ASB5: variants seen among roughly 807,000 people sequenced by gnomAD.
ASB5 encodes ankyrin repeat and SOCS box protein 5.
A neutral mutation model predicts 42.1 loss-of-function variants in ASB5; 45 were observed. That is an observed-to-expected ratio of 1.07 (90% CI 0.84 to 1.37). The LOEUF is 1.37. Among genes scored for constraint, ASB5 ranks in the 40% most tolerant of loss-of-function variants. The pLI, the probability that ASB5 is intolerant of heterozygous loss-of-function variation, is 0.00. For synonymous variants in ASB5, 147 were observed against 150.6 expected (o/e 0.98, Z 0.18); for missense variants, 402 against 399.8 (o/e 1.01, Z -0.05).
chr4:176,234,113 A>T (rs1753621613), intron 1 of ASB5, among the ~76,000 whole-genome samples: 1 of 152,196 alleles, frequency 6.6e-6, no homozygotes, highest in South Asian at 2.1e-4. Context: ...AAGTCTCCTA[A>T]CTAGTCAGTG....
intron 1 of ASB5, among the ~76,000 whole-genome samples, chr4:176,246,658 G>T (rs1196124023): frequency 6.6e-6 from 1 of 152,206 alleles, no homozygotes; most frequent in Non-Finnish European, 1.5e-5. Flanking sequence ...GTCTAGATGT[G>T]TACACAGCTC....
At chr4:176,254,802 C>A (rs188044786) in intron 1 of ASB5, among the ~76,000 whole-genome samples, 1 of 152,156 alleles carries the variant, frequency 6.6e-6, no homozygotes, top group African/African-American at 2.4e-5. Flanking sequence ...TGAAAAAATG[C>A]TCTACATCAC....
intron 1 of ASB5, chr4:176,241,484 A>G (rs957510195): frequency 5.2e-6 from 8 of 1,535,444 alleles, no homozygotes; most frequent in African/African-American, 4.1e-5. Context: ...AATTTCCACC[A>G]TTGCAAAGAG....
At chr4:176,233,357 C>T (rs1753599922) in intron 1 of ASB5, among the ~76,000 whole-genome samples, 1 of 152,162 alleles carries the variant, frequency 6.6e-6, no homozygotes, top group Non-Finnish European at 1.5e-5. Context: ...ATAGCTCCCA[C>T]GCTGATCTCT....
At chr4:176,252,730 G>A (rs1461146282) in intron 1 of ASB5, among the ~76,000 whole-genome samples, 3 of 152,228 alleles carry the variant, frequency 2.0e-5, no homozygotes, top group African/African-American at 7.2e-5. Context: ...AAAGGACACT[G>A]CCTGTTTTGT....
intron 1 of ASB5, among the ~76,000 whole-genome samples, chr4:176,250,880 T>C (rs573225026): frequency 3.3e-5 from 5 of 152,364 alleles, no homozygotes; most frequent in African/African-American, 9.6e-5. Flanking sequence ...ACATAAGAAC[T>C]GGGCATTTAC....
chr4:176,236,427 G>A (rs893678352), intron 1 of ASB5, among the ~76,000 whole-genome samples: 6 of 152,086 alleles, frequency 3.9e-5, no homozygotes, highest in Non-Finnish European at 8.8e-5. Flanking sequence ...TGTCTTCTTT[G>A]TAGTCAACCA....
In ASB5 at chr4:176,221,523, C is replaced by T; in HGVS notation, c.462G>A (p.Leu154=). 1 of 1,614,082 alleles carries T rather than the reference C, an allele frequency of 6.2e-7. No homozygotes were observed. The highest frequency in any genetic ancestry group is 8.5e-7 in the Non-Finnish European group (1 of 1,179,932). ...GGGCTTTGGCACCATACTCCAGAAG[C>T]AGCTCTGCACAGCTTGGACTGCCTT... ...CSQGSPSCAE[L]LLEYGAKAQL... The change falls in exon 4 of 7, where the codon CTG becomes CTA. Residue 154 remains leucine (L), a synonymous_variant. Coordinates refer to ENST00000296525, the MANE Select transcript of ASB5 (RefSeq NM_080874.4).
At chr4:176,272,846 AT>A (rs1371397146), upstream of ASB5, among the ~76,000 whole-genome samples, 1 of 152,250 alleles carries the variant, frequency 6.6e-6, no homozygotes, top group African/African-American at 2.4e-5. Context: ...TAGATTGAAA[AT>A]ATCAATGGGT....
intron 2 of ASB5, among the ~76,000 whole-genome samples, chr4:176,224,060 C>A (rs189915012): frequency 6.6e-6 from 1 of 152,038 alleles, no homozygotes; most frequent in Non-Finnish European, 1.5e-5. Flanking sequence ...GGTTGTGATT[C>A]ACCTCAAGTG....
rs72706377 is a variant in ASB5, at chr4:176,216,140, A to G, written c.863-413T>C. 4.9e-3 allele frequency among the ~76,000 whole-genome samples: 741 copies of G among 152,270 alleles called. 1 individual carries two copies. The highest frequency in any genetic ancestry group is 6.6e-3 in the Non-Finnish European group (446 of 68,028). On this transcript the variant is annotated intron_variant, in intron 6 of 6. Coordinates refer to ENST00000296525, the MANE Select transcript of ASB5 (RefSeq NM_080874.4). ...CTAGGATTAAGAAATCCTATTTTAG[A>G]ACAAAAGTCTCAAATGTAAAAATAT...
intron 1 of ASB5, chr4:176,277,097 T>G (rs376070096): frequency 6.6e-6 from 1 of 152,008 alleles, no homozygotes; most frequent in Middle Eastern, 3.2e-3. Context: ...ATTGGAAGGG[T>G]GTATGAGAAT....
In ASB5 at chr4:176,216,865, A is replaced by G. The variant is rs764015215; in HGVS notation, c.815T>C (p.Val272Ala). Residue 272 changes from valine to alanine, a missense_variant, in exon 6 of 7, where the codon GTA becomes GCA. Transcript: ENST00000296525. Reference sequence around the variant, plus strand: ...TTCCACCATACTGCTAGACGTAGCTACATCTATAGGTCGCAGAAGCTCTGT... The same window carrying G: ...TTCCACCATACTGCTAGACGTAGCTGCATCTATAGGTCGCAGAAGCTCTGT... ...KNTELLRPID[V>A]ATSSSMVERI... 1.2e-5 allele frequency: 19 copies of G among 1,612,794 alleles called. No individual in the cohort carries two copies. In the South Asian group the frequency reaches 1.9e-4, roughly 16 times the overall value.
At chr4:176,264,976 C>A (rs1460847634) in intron 1 of ASB5, among the ~76,000 whole-genome samples, 1 of 152,064 alleles carries the variant, frequency 6.6e-6, no homozygotes, top group East Asian at 1.9e-4. Context: ...CTCCTCATGG[C>A]AAGGTCGTAA....
chr4:176,239,229 T>C (rs1369937090), intron 1 of ASB5, among the ~76,000 whole-genome samples: 2 of 152,158 alleles, frequency 1.3e-5, no homozygotes, highest in African/African-American at 2.4e-5. Context: ...TTTGTACTTA[T>C]AAGGGGAGTA....
upstream of ASB5, among the ~76,000 whole-genome samples, chr4:176,269,892 G>A (rs1263094115): frequency 6.6e-6 from 1 of 152,146 alleles, no homozygotes; most frequent in Non-Finnish European, 1.5e-5. Context: ...GCACAAAGAG[G>A]AAGCATGTAA....
At chr4:176,240,064 A>C (rs928382755) in intron 1 of ASB5, among the ~76,000 whole-genome samples, 2 of 152,200 alleles carry the variant, frequency 1.3e-5, no homozygotes, top group Non-Finnish European at 2.9e-5. Context: ...AATTGTTTAA[A>C]TGCTAGATAT....
At chr4:176,264,630 A>G (rs997302713) in intron 1 of ASB5, among the ~76,000 whole-genome samples, 4 of 152,168 alleles carry the variant, frequency 2.6e-5, no homozygotes, top group African/African-American at 9.7e-5. Flanking sequence ...TAGGTATGTA[A>G]CCTACCAGAC....
chr4:176,223,478 G>A (rs1319919032), intron 2 of ASB5, among the ~76,000 whole-genome samples: 2 of 152,080 alleles, frequency 1.3e-5, no homozygotes, highest in East Asian at 3.9e-4. Flanking sequence ...AATACTATTA[G>A]GATGTGAGAT....
Sources: allele counts gnomAD v4.1 joint callset (sites outside exome capture counted in the v4.1 genomes callset), GRCh38; gene constraint gnomAD v4.1.1; transcripts MANE v1.5; gene names NCBI Gene and HGNC (gene_info 2026-07-23, HGNC 2026-07-21).